Variants in DOCK2 observed in about 807,000 individuals in gnomAD.
DOCK2 encodes dedicator of cytokinesis protein 2.
DOCK2 carries 87 observed loss-of-function variants against 248.9 expected under a neutral mutation model. The ratio of observed to expected loss-of-function variants is 0.35; its 90% CI spans 0.29 to 0.42. The LOEUF is 0.42. Ranked by LOEUF, DOCK2 falls within the 10% of genes least tolerant of loss-of-function variation. The pLI, the probability that DOCK2 is intolerant of heterozygous loss-of-function variation, is 1.00. For missense variants in DOCK2, 1,747 were observed against 2,300.2 expected (o/e 0.76, Z 4.92); for synonymous variants, 805 against 821.6 (o/e 0.98, Z 0.35).
chr5:169,696,206 C>T (rs1225303952), intron 10 of DOCK2, among the ~76,000 whole-genome samples: 1 of 152,198 alleles, frequency 6.6e-6, no homozygotes, highest in African/African-American at 2.4e-5. Flanking sequence ...CAGTTGACAC[C>T]TTTGCTCCCC....
At chr5:169,840,628 AGTAGTGGTGGTGGTGT>A in intron 26 of DOCK2, 113 bp from the exon 27 acceptor site, 1 of 637,366 alleles carries the variant, frequency 1.6e-6, no homozygotes, top group Non-Finnish European at 2.8e-6. Flanking sequence ...TGATGATGGC[AGTAGTGGTGGTGGTGT>A]TGGTGATGGT....
Position 170,082,827 on chromosome 5 carries a change from A to C in DOCK2, c.5462A>C (p.Gln1821Pro). 1.2e-6 allele frequency: 2 copies of C among 1,614,210 alleles called. No individual in the cohort carries two copies. Among genetic ancestry groups the C allele is most frequent in the Non-Finnish European group, 1.7e-6 (2 of 1,180,022 alleles). Residue 1821 changes from glutamine (Q) to proline (P), a missense_variant, in exon 52 of 52, where the codon CAG becomes CCG. This residue lies in a region of DOCK2 where 513 missense variants were observed against 586.1 expected (regional missense o/e 0.88). Transcript: ENST00000520908. ...LASKSAEEGK[Q>P]IPDSLSTDL ...AGCAAATCGGCTGAAGAAGGCAAAC[A>C]GATCCCAGACTCGCTGTCCACGGAC...
intron 27 of DOCK2, among the ~76,000 whole-genome samples, chr5:169,882,109 A>G (rs1448732171): frequency 6.6e-6 from 1 of 152,216 alleles, no homozygotes; most frequent in African/African-American, 2.4e-5. Context: ...GGGAAGGTCA[A>G]TAGTAAGCTG....
chr5:170,081,811 C>T lies in DOCK2; in HGVS notation c.5288-31C>T. 4 of 1,593,872 alleles carry T rather than the reference C, an allele frequency of 2.5e-6. No homozygotes were observed. The South Asian group carries it at 4.5e-5, about 18-fold the overall frequency. ...AGGCACTGCCCCTCCTCTACCCACC[C>T]ATTCACACCCCAGCTCTGCTCTCCT... On this transcript the variant is annotated intron_variant, in intron 50 of 51. Transcript: ENST00000520908.
Position 169,645,209 on chromosome 5 carries a change from G to A in DOCK2, c.43+7840G>A, listed in dbSNP as rs190922711. On this transcript the variant is annotated intron_variant, in intron 1 of 51. Transcript: ENST00000520908. ...GTATTTCTCGTTCTAGATCCTTGAG[G>A]AATTGTTTTCCACAATAGTTGAACT... is the stretch of plus-strand genomic sequence containing the variant. Among the ~76,000 whole-genome samples, 453 of 152,240 alleles carry A rather than the reference G, an allele frequency of 3.0e-3. 3 individuals are homozygous for A. Among genetic ancestry groups the A allele is most frequent in the African/African-American group, 0.01 (430 of 41,554 alleles).
intron 8 of DOCK2, among the ~76,000 whole-genome samples, chr5:169,686,675 C>T (rs888427960): frequency 5.9e-5 from 9 of 152,214 alleles, no homozygotes; most frequent in African/African-American, 2.2e-4. Context: ...CCAGGATCGA[C>T]ATACAGTGAA....
In DOCK2 at chr5:169,708,249, C is replaced by T; in HGVS notation, c.1464C>T (p.Arg488=). The part of the protein sequence containing the change: ...SVVYYQVKQP[R]WMETVKVAVP... The stretch of plus-strand genomic sequence containing the variant: ...TGTACTATCAAGTCAAACAGCCACG[C>T]TGGATGGAAACAGTCAAGGTAATAA... Residue 488 remains arginine (R), a synonymous_variant, in exon 15 of 52, where the codon CGC becomes CGT. Coordinates refer to ENST00000520908, the MANE Select transcript of DOCK2 (RefSeq NM_004946.3). 6.2e-7 allele frequency: 1 copy of T among 1,613,790 alleles called. No individual in the cohort carries two copies.
intron 27 of DOCK2, chr5:169,934,892 A>G (rs1464079636): frequency 2.9e-6 from 1 of 346,526 alleles, no homozygotes; most frequent in East Asian, 7.7e-5. Flanking sequence ...CTTACACTTG[A>G]TATTTATTCT....
intron 27 of DOCK2, among the ~76,000 whole-genome samples, chr5:169,924,492 C>T (rs1340581812): frequency 6.6e-6 from 1 of 152,092 alleles, no homozygotes; most frequent in Middle Eastern, 3.2e-3. Context: ...TTATTTGTTC[C>T]TGAGAAGAAT....
rs145246764 is a variant in DOCK2, at chr5:169,896,924, A to G, written c.2799+56072A>G. Among the ~76,000 whole-genome samples the G allele has an allele frequency of 2.8e-4, 43 of 152,344 alleles. No individual in the cohort carries two copies. In the East Asian group the frequency reaches 8.3e-3, roughly 29 times the overall value. ...TTAATAAAGAGGAGAAAAACTGAGC[A>G]TCAACTTTGACGTGAGCTTCCTAGT... On this transcript the variant is annotated intron_variant, in intron 27 of 51. Transcript: ENST00000520908.
chr5:169,805,155 G>A (rs1276431722), intron 26 of DOCK2, among the ~76,000 whole-genome samples: 1 of 148,152 alleles, frequency 6.7e-6, no homozygotes, highest in Non-Finnish European at 1.5e-5. Flanking sequence ...CAGGGAGGAG[G>A]ATTACTTGAG....
chr5:169,662,550 T>G (rs540512087), intron 2 of DOCK2, among the ~76,000 whole-genome samples: 1 of 152,138 alleles, frequency 6.6e-6, no homozygotes, highest in East Asian at 1.9e-4. Flanking sequence ...AGAAAAGAGG[T>G]TTAATTGACT....
chr5:169,654,562 G>T (rs543944724), intron 2 of DOCK2, 76 bp downstream of exon 2: 152 of 1,497,108 alleles, frequency 1.0e-4, no homozygotes, highest in East Asian at 2.7e-4. Flanking sequence ...GCCCCTCAGC[G>T]CTGTCTCTGA....
chr5:169,917,200 C>A (rs1774921922), intron 27 of DOCK2, among the ~76,000 whole-genome samples: 1 of 152,188 alleles, frequency 6.6e-6, no homozygotes, highest in Non-Finnish European at 1.5e-5. Flanking sequence ...GTGATTCTTG[C>A]CACCTCATTC....
chr5:169,656,632 AG>A (rs996934936), intron 2 of DOCK2, among the ~76,000 whole-genome samples: 4 of 152,208 alleles, frequency 2.6e-5, no homozygotes, highest in African/African-American at 9.7e-5. Flanking sequence ...CTTTTCTGAT[AG>A]CCAAGCCCAC....
intron 26 of DOCK2, among the ~76,000 whole-genome samples, chr5:169,831,634 G>T (rs1451880591): frequency 1.3e-5 from 2 of 152,152 alleles, no homozygotes; most frequent in East Asian, 3.8e-4. Flanking sequence ...CTCTAAATCT[G>T]GAATTGTAGA....
At chr5:169,970,617 C>G (rs1777469270) in intron 27 of DOCK2, among the ~76,000 whole-genome samples, 1 of 152,172 alleles carries the variant, frequency 6.6e-6, no homozygotes, top group Non-Finnish European at 1.5e-5. Flanking sequence ...CAGGGTAGTT[C>G]CCAAGAATCA....
intron 1 of DOCK2, among the ~76,000 whole-genome samples, chr5:169,649,595 G>T (rs564919629): frequency 1.3e-5 from 2 of 152,192 alleles, no homozygotes; most frequent in Non-Finnish European, 2.9e-5. Flanking sequence ...CAAGCCCAGT[G>T]TATGTGTAAT....
intron 23 of DOCK2, among the ~76,000 whole-genome samples, chr5:169,752,712 T>C (rs1187346296): frequency 1.3e-5 from 2 of 152,086 alleles, no homozygotes; most frequent in Non-Finnish European, 2.9e-5. Context: ...TGCAGTGAGC[T>C]GTGATAATGC....
Sources: gnomAD v4.1 joint callset for allele counts (sites outside exome capture counted in the v4.1 genomes callset) on GRCh38, gnomAD v4.1.1 for gene constraint, gnomAD v4.1.1 regional missense constraint, MANE v1.5 for transcripts, NCBI Gene and HGNC (gene_info 2026-07-23, HGNC 2026-07-21) for gene names.